The following ROCK1 variants were observed in gnomAD, a reference collection of about 807,000 sequenced individuals.
The protein encoded by ROCK1 is Rho associated coiled-coil containing protein kinase 1, also known as rho-associated protein kinase 1.
A neutral mutation model predicts 196.8 loss-of-function variants in ROCK1; 36 were observed. The observed-to-expected ratio is 0.18, with a 90% CI of 0.14 to 0.24. The LOEUF is 0.24. ROCK1 is among the 10% of genes least tolerant of loss of function. The pLI is 1.00. For synonymous variants in ROCK1, 443 were observed against 515.9 expected, an observed-to-expected ratio of 0.86 and a Z score of 1.91; for missense variants, 920 against 1,562.0, an observed-to-expected ratio of 0.59 and a Z score of 6.93.
At chr18:20,953,432 C>CTAATTTA (rs1354563526) in intron 32 of ROCK1, 146 bp downstream of exon 32, 10 of 523,220 alleles carry the variant, frequency 1.9e-5, no homozygotes, top group Non-Finnish European at 3.1e-5. Flanking sequence ...ATAAGTTAAA[C>CTAATTTA]TAATTTATAA....
chr18:21,030,164 A>G (rs1468623614), intron 9 of ROCK1, among the ~76,000 whole-genome samples: 4 of 152,188 alleles, frequency 2.6e-5, no homozygotes, highest in Admixed American at 6.5e-5. Context: ...CCAGCTTTCT[A>G]ATATTTGTAA....
intron 16 of ROCK1, among the ~76,000 whole-genome samples, chr18:20,998,499 C>G (rs1259953694): frequency 6.6e-6 from 1 of 151,120 alleles, no homozygotes; most frequent in Non-Finnish European, 1.5e-5. Context: ...AAAACCTAAA[C>G]AGACAAATAA....
Position 20,967,803 on chromosome 18 carries a change from T to C in ROCK1, c.3141A>G (p.Lys1047=). Residue 1047 remains lysine, a synonymous_variant, in exon 26 of 33, where the codon AAA becomes AAG. Coordinates refer to ENST00000399799, the MANE Select transcript of ROCK1 (RefSeq NM_005406.3). ...GATGTTTCACTACCATCTGGTTGAATTTCTCTCTTTCTTGGTTGAGTTCCA... is the reference window on the plus strand; with the variant it reads ...GATGTTTCACTACCATCTGGTTGAACTTCTCTCTTTCTTGGTTGAGTTCCA... ...LQLELNQERE[K]FNQMVVKHQK... 1.9e-6 allele frequency: 3 copies of C among 1,606,674 alleles called. No individual in the cohort carries two copies. Among genetic ancestry groups the C allele is most frequent in the Non-Finnish European group, 2.5e-6 (3 of 1,177,890 alleles).
chr18:21,075,299 A>T (rs1598553531), intron 1 of ROCK1, among the ~76,000 whole-genome samples: 1 of 152,218 alleles, frequency 6.6e-6, no homozygotes, highest in Non-Finnish European at 1.5e-5. Flanking sequence ...TTAGAGGCAA[A>T]AGAATCTGAT....
intron 2 of ROCK1, among the ~76,000 whole-genome samples, chr18:21,061,326 C>T (rs952023244): frequency 1.3e-5 from 2 of 152,000 alleles, no homozygotes; most frequent in East Asian, 1.9e-4. Context: ...GTGATCTGCC[C>T]GCTTCAGCCT....
At chr18:20,970,266 A>G in intron 23 of ROCK1, 82 bp downstream of exon 23, 1 of 1,058,996 alleles carries the variant, frequency 9.4e-7, no homozygotes. Context: ...ACACTTGCAC[A>G]CACACTTACC....
In ROCK1 at chr18:21,016,927, G is replaced by A. The variant is rs185079324; in HGVS notation, c.1362-1448C>T. 2.7e-5 allele frequency among the ~76,000 whole-genome samples: 4 copies of A among 150,260 alleles called. No individual in the cohort carries two copies. In the East Asian group the frequency reaches 7.8e-4, roughly 29 times the overall value. ...AAAAATTCTCCCCAATCTAGACCTT[G>A]CCATCCTCCCCATTCTCATCTCAGG... is the stretch of plus-strand genomic sequence containing the variant. On this transcript the variant is annotated intron_variant, in intron 12 of 32. Transcript: ENST00000399799.
intron 22 of ROCK1, among the ~76,000 whole-genome samples, chr18:20,974,984 C>T (rs552567042): frequency 6.6e-5 from 10 of 152,306 alleles, no homozygotes; most frequent in Admixed American, 1.3e-4. Flanking sequence ...TTTAATTTAA[C>T]AAACACTTGC....
chr18:21,033,180 G>C (rs2036024798), intron 9 of ROCK1, among the ~76,000 whole-genome samples: 2 of 151,956 alleles, frequency 1.3e-5, no homozygotes, highest in Non-Finnish European at 2.9e-5. Context: ...CTGGGCAACA[G>C]AGCAAGACCT....
At chr18:21,036,482 T>C (rs2036058447) in intron 9 of ROCK1, among the ~76,000 whole-genome samples, 1 of 152,222 alleles carries the variant, frequency 6.6e-6, no homozygotes, top group Non-Finnish European at 1.5e-5. Context: ...TATTGTTCTG[T>C]TGCCCAGGCT....
At chr18:21,105,967 G>T (rs1437686939) in intron 1 of ROCK1, among the ~76,000 whole-genome samples, 2 of 152,288 alleles carry the variant, frequency 1.3e-5, no homozygotes, top group Middle Eastern at 3.4e-3. Flanking sequence ...GAGAGCCCAG[G>T]AAGATAATTT....
intron 1 of ROCK1, among the ~76,000 whole-genome samples, chr18:21,079,933 T>C (rs1180596406): frequency 6.6e-6 from 1 of 152,196 alleles, no homozygotes; most frequent in Admixed American, 6.5e-5. Context: ...ATACTGCTTT[T>C]TCTTCAAAGT....
chr18:20,984,634 T>C (rs111704682), intron 19 of ROCK1, 99 bp from the exon 20 acceptor site: 2 of 813,480 alleles, frequency 2.5e-6, no homozygotes, highest in South Asian at 1.9e-5. Context: ...TTATAATTCA[T>C]GGTACTAGTA....
At chr18:20,989,795 A>T (rs1347693019) in intron 18 of ROCK1, among the ~76,000 whole-genome samples, 1 of 152,226 alleles carries the variant, frequency 6.6e-6, no homozygotes, top group Non-Finnish European at 1.5e-5. Flanking sequence ...GATTGACAAG[A>T]AAACTAGATT....
intron 29 of ROCK1, among the ~76,000 whole-genome samples, chr18:20,957,824 T>A (rs1339335184): frequency 1.4e-5 from 2 of 147,868 alleles, no homozygotes; most frequent in African/African-American, 5.0e-5. Context: ...AAAAAAAAAA[T>A]TCTTTTTTCA....
chr18:20,999,837 G>C (rs2035707313), intron 16 of ROCK1, among the ~76,000 whole-genome samples: 3 of 152,138 alleles, frequency 2.0e-5, no homozygotes, highest in Admixed American at 6.5e-5. Flanking sequence ...TGTTGCTCGG[G>C]GGGGTCTCAA....
intron 10 of ROCK1, among the ~76,000 whole-genome samples, chr18:21,024,644 A>G (rs2035941663): frequency 6.6e-6 from 1 of 152,254 alleles, no homozygotes; most frequent in South Asian, 2.1e-4. Flanking sequence ...AGTTTAAGTA[A>G]ATTTTAAAAA....
chr18:20,983,199 AAAAG>A (rs2035548838), intron 20 of ROCK1, among the ~76,000 whole-genome samples: 1 of 151,246 alleles, frequency 6.6e-6, no homozygotes, highest in Admixed American at 6.7e-5. Flanking sequence ...AGTAAATAAA[AAAAG>A]AGGGGGGCAT....
intron 27 of ROCK1, among the ~76,000 whole-genome samples, chr18:20,962,993 C>G (rs1013046352): frequency 1.3e-5 from 2 of 151,988 alleles, no homozygotes; most frequent in African/African-American, 4.8e-5. Flanking sequence ...CCACCTGTAA[C>G]TTAAGTGGTG....
Sources: gnomAD v4.1 joint callset for allele counts (sites outside exome capture counted in the v4.1 genomes callset) on GRCh38, gnomAD v4.1.1 for gene constraint, MANE v1.5 for transcripts, NCBI Gene and HGNC (gene_info 2026-07-23, HGNC 2026-07-21) for gene names.